Variants in ATF7IP2 observed in about 807,000 individuals in gnomAD.
The protein encoded by ATF7IP2 is activating transcription factor 7-interacting protein 2.
In ATF7IP2, 42 loss-of-function variants were observed where a neutral mutation model predicts 64.2. The ratio of observed to expected loss-of-function variants is 0.65; its 90% CI spans 0.51 to 0.85. The LOEUF (loss-of-function observed/expected upper bound fraction) is 0.85, where lower values mean the gene tolerates loss of function less well. Among genes scored for constraint, ATF7IP2 ranks in the 40% least tolerant of loss-of-function variants. The pLI, the probability that ATF7IP2 is intolerant of heterozygous loss-of-function variation, is 0.00. For synonymous variants in ATF7IP2, 308 were observed against 272.8 expected, an observed-to-expected ratio of 1.13 and a Z score of -1.27; for missense variants, 933 against 784.2, an observed-to-expected ratio of 1.19 and a Z score of -2.27.
In ATF7IP2 at chr16:10,481,955, G is replaced by A. The variant is rs139819096; in HGVS notation, c.1755G>A (p.Arg585=). 1.0e-4 allele frequency: 168 copies of A among 1,614,076 alleles called. No individual in the cohort carries two copies. The African/African-American group carries it at 1.6e-3, about 16-fold the overall frequency. The stretch of plus-strand genomic sequence containing the variant: ...AGAAGCCTGAGCTCAAAGTGAAACG[G>A]GTTTTCAGACCCAATGGCATTGCCC... The part of the protein sequence containing the change: ...PPQKPELKVK[R]VFRPNGIALT... The change falls in exon 14 of 14, where the codon CGG becomes CGA. Residue 585 remains arginine (R), a synonymous_variant. Transcript: ENST00000562102.
chr16:10,409,515 T>G (rs1204692804), intron 1 of ATF7IP2, among the ~76,000 whole-genome samples: 1 of 151,670 alleles, frequency 6.6e-6, no homozygotes, highest in Non-Finnish European at 1.5e-5. Flanking sequence ...TATTGAGACT[T>G]TTTTTTTAAT....
intron 8 of ATF7IP2, chr16:10,454,484 A>G (rs1321701667): frequency 6.7e-6 from 1 of 149,060 alleles, no homozygotes; most frequent in African/African-American, 2.4e-5. Flanking sequence ...GTATCACTGT[A>G]CTTTGTTTCT....
At chr16:10,448,566 T>G (rs1282455910) in intron 8 of ATF7IP2, 1 of 152,178 alleles carries the variant, frequency 6.6e-6, no homozygotes, top group Non-Finnish European at 1.5e-5. Context: ...GGTTCTCTGT[T>G]ATTGGTATAT....
At position 10,467,173 on chromosome 16, in the gene ATF7IP2, CA is replaced by C. The variant is rs1281532283; in HGVS notation, c.1353-4936del. On this transcript the variant is annotated intron_variant, in intron 9 of 13. Coordinates refer to ENST00000562102, the MANE Select transcript of ATF7IP2 (RefSeq NM_001393719.1). The stretch of plus-strand genomic sequence containing the variant: ...CTCTGGTCTCTAAGACATAGCCTAC[CA>C]TGGTTACCATCTGAAAGCTTAGACT... Among the ~76,000 whole-genome samples the C allele has an allele frequency of 1.3e-4, 20 of 152,264 alleles. No homozygotes were observed. In the South Asian group the frequency reaches 2.1e-3, roughly 16 times the overall value.
At chr16:10,474,370 C>T (rs558165479) in intron 12 of ATF7IP2, among the ~76,000 whole-genome samples, 7 of 152,166 alleles carry the variant, frequency 4.6e-5, no homozygotes, top group African/African-American at 1.4e-4. Flanking sequence ...AAGAGTAGCC[C>T]GTGGTGTGGA....
At position 10,437,476 on chromosome 16, in the gene ATF7IP2, T is replaced by A. The variant is rs193207850; in HGVS notation, c.961-625T>A. On this transcript the variant is annotated intron_variant, in intron 6 of 13. Coordinates refer to ENST00000562102, the MANE Select transcript of ATF7IP2 (RefSeq NM_001393719.1). ...TACTTCTTTCATATCAATTCAGTGTTTTTTATTTTATGGTGCTCTTTTGCG... is the reference window on the plus strand; with the variant it reads ...TACTTCTTTCATATCAATTCAGTGTATTTTATTTTATGGTGCTCTTTTGCG... 2.0e-3 allele frequency among the ~76,000 whole-genome samples: 308 copies of A among 152,330 alleles called. 1 individual carries two copies. Among genetic ancestry groups the A allele is most frequent in the Non-Finnish European group, 3.0e-3 (207 of 68,026 alleles).
chr16:10,423,459 T>C (rs1472785260), intron 3 of ATF7IP2, among the ~76,000 whole-genome samples: 1 of 152,186 alleles, frequency 6.6e-6, no homozygotes, highest in Non-Finnish European at 1.5e-5. Flanking sequence ...GGGTGGTGTA[T>C]TCTGACAGGG....
intron 6 of ATF7IP2, among the ~76,000 whole-genome samples, chr16:10,436,327 A>C (rs1272969748): frequency 6.6e-6 from 1 of 152,214 alleles, no homozygotes; most frequent in Non-Finnish European, 1.5e-5. Flanking sequence ...ACGCTGCTGC[A>C]CTGCAGCCTG....
At chr16:10,444,285 C>G (rs377196685) in intron 8 of ATF7IP2, among the ~76,000 whole-genome samples, 2 of 152,086 alleles carry the variant, frequency 1.3e-5, no homozygotes, top group South Asian at 2.1e-4. Flanking sequence ...GAGTGACAAC[C>G]TATGCCTCCA....
intron 8 of ATF7IP2, among the ~76,000 whole-genome samples, chr16:10,440,753 A>G (rs1042856912): frequency 6.6e-6 from 1 of 152,122 alleles, no homozygotes; most frequent in South Asian, 2.1e-4. Context: ...AGTTGAAATT[A>G]TGTGTTTTTA....
chr16:10,468,689 G>A (rs143023020), intron 9 of ATF7IP2, among the ~76,000 whole-genome samples: 819 of 152,294 alleles, frequency 5.4e-3, no homozygotes, highest in Non-Finnish European at 8.2e-3. Context: ...CTGCAAAGGG[G>A]CCTTGAAATA....
chr16:10,466,963 G>GT lies in ATF7IP2; in HGVS notation c.1353-5137dup, dbSNP rs558511665. On this transcript the variant is annotated intron_variant, in intron 9 of 13. Transcript: ENST00000562102. ...TCTATTGTTTTTCTGTCAGTCTCTGGTTTTTTTTTTGGCATGCTTGATAGT... is the reference window on the plus strand; with the variant it reads ...TCTATTGTTTTTCTGTCAGTCTCTGGTTTTTTTTTTTGGCATGCTTGATAGT... 8.0e-3 allele frequency among the ~76,000 whole-genome samples: 1,170 copies of GT among 146,202 alleles called. 13 individuals are homozygous for GT. The highest frequency in any genetic ancestry group is 0.023 in the African/African-American group (932 of 40,160).
intron 1 of ATF7IP2, among the ~76,000 whole-genome samples, chr16:10,388,685 ACT>A (rs1179041417): frequency 6.6e-6 from 1 of 152,188 alleles, no homozygotes; most frequent in African/African-American, 2.4e-5. Context: ...CATTAAAACT[ACT>A]GTAAGAAAGG....
rs1205795153 is a variant in ATF7IP2 at position 10,483,355 on chromosome 16, T to C, written c.*1106T>C. 1 of 152,234 alleles carries C rather than the reference T, an allele frequency of 6.6e-6. No individual in the cohort carries two copies. The highest frequency in any genetic ancestry group is 1.5e-5 in the Non-Finnish European group (1 of 68,046). The allele number at this position is 152,234 out of a possible 1,614,324, so 9.4% of individuals were successfully genotyped here. ...CCATCACAATACTAAGGGGCTCAGA[T>C]GTGTCTTGTGCCCACCTCTTCCTGA... On this transcript the variant is annotated 3_prime_UTR_variant, in exon 14 of 14. Transcript: ENST00000562102.
chr16:10,409,776 A>G (rs945621630), intron 1 of ATF7IP2, among the ~76,000 whole-genome samples: 26 of 152,354 alleles, frequency 1.7e-4, no homozygotes, highest in Non-Finnish European at 8.8e-5. Flanking sequence ...ATGAGGATCC[A>G]GTTTCATTCT....
intron 1 of ATF7IP2, among the ~76,000 whole-genome samples, chr16:10,406,403 G>A (rs902348459): frequency 6.6e-6 from 1 of 152,078 alleles, no homozygotes; most frequent in Non-Finnish European, 1.5e-5. Flanking sequence ...ACTGTGCCCA[G>A]CCAACCTAAA....
intron 12 of ATF7IP2, among the ~76,000 whole-genome samples, chr16:10,479,958 C>CTTTTTTTTTCTTT (rs2050156392): frequency 1.2e-5 from 1 of 80,568 alleles, no homozygotes; most frequent in Non-Finnish European, 2.4e-5. Flanking sequence ...ACTGGAAATA[C>CTTTTTTTTTCTTT]TTTTTTTTTT....
intron 1 of ATF7IP2, among the ~76,000 whole-genome samples, chr16:10,412,513 G>GT (rs932350597): frequency 6.6e-6 from 1 of 152,010 alleles, no homozygotes; most frequent in African/African-American, 2.4e-5. Flanking sequence ...TTGATTTCCA[G>GT]TTTTTTTCCA....
chr16:10,449,939 C>T (rs889636994), intron 8 of ATF7IP2, among the ~76,000 whole-genome samples: 5 of 151,994 alleles, frequency 3.3e-5, no homozygotes, highest in African/African-American at 7.2e-5. Flanking sequence ...TTAGATCTTT[C>T]CCGCTTGTGG....
Sources: gnomAD v4.1 joint callset for allele counts (sites outside exome capture counted in the v4.1 genomes callset) on GRCh38, gnomAD v4.1.1 for gene constraint, MANE v1.5 for transcripts, NCBI Gene and HGNC (gene_info 2026-07-23, HGNC 2026-07-21) for gene names.